MGAT4C: variants seen among roughly 807,000 people sequenced by gnomAD.
MGAT4C encodes the protein alpha-1,3-mannosyl-glycoprotein 4-beta-N-acetylglucosaminyltransferase C.
Under a neutral mutation model 40.1 loss-of-function variants are expected in MGAT4C, and 19 were observed. The ratio of observed to expected loss-of-function variants is 0.47; its 90% CI spans 0.33 to 0.70. The LOEUF (loss-of-function observed/expected upper bound fraction) is 0.70, where lower values mean the gene tolerates loss of function less well. Among genes scored for constraint, MGAT4C ranks in the 30% least tolerant of loss-of-function variants. MGAT4C has a pLI of 0.02. For synonymous variants in MGAT4C, 181 were observed against 187.1 expected (o/e 0.97, Z 0.27); for missense variants, 491 against 563.2 (o/e 0.87, Z 1.30).
rs1884179451 is a variant in MGAT4C, at chr12:85,978,577, CTTCTT to C, written c.*707_*711del. The stretch of plus-strand genomic sequence containing the variant: ...TAACCTGAAAATATTGAGCTTAACT[CTTCTT>C]TTTTTTTTTCAAAAGGGAAACTTGA... On this transcript the variant is annotated 3_prime_UTR_variant, in exon 5 of 5. Transcript: ENST00000611864. 1 of 150,994 alleles carries C rather than the reference CTTCTT, an allele frequency of 6.6e-6. No individual in the cohort carries two copies. Among genetic ancestry groups the C allele is most frequent in the African/African-American group, 2.4e-5 (1 of 41,086 alleles). The allele number at this position is 150,994 out of a possible 1,614,324, so 9.4% of individuals were successfully genotyped here.
intron 2 of MGAT4C, among the ~76,000 whole-genome samples, chr12:86,638,702 A>G (rs973129330): frequency 1.3e-5 from 2 of 151,844 alleles, no homozygotes; most frequent in Non-Finnish European, 2.9e-5. Context: ...ATATACAAGA[A>G]ATCTGACTAT....
intron 2 of MGAT4C, among the ~76,000 whole-genome samples, chr12:86,597,299 A>G (rs1339604584): frequency 6.6e-6 from 1 of 152,060 alleles, no homozygotes; most frequent in East Asian, 1.9e-4. Context: ...CCCAATTCCC[A>G]CCATATTAGC....
intron 2 of MGAT4C, among the ~76,000 whole-genome samples, chr12:86,661,668 T>G (rs796229340): frequency 2.6e-5 from 4 of 152,226 alleles, no homozygotes; most frequent in African/African-American, 9.6e-5. Flanking sequence ...AAGAAGGGAC[T>G]GGGCATGATG....
At chr12:86,420,861 G>GTGTATATATATACATACATGTATA (rs1565750094) in intron 3 of MGAT4C, among the ~76,000 whole-genome samples, 5 of 144,620 alleles carry the variant, frequency 3.5e-5, no homozygotes, top group African/African-American at 1.3e-4. Context: ...ACATATATAT[G>GTGTATATATATACATACATGTATA]TGTATATATA....
chr12:86,493,426 A>C (rs1028327556), intron 2 of MGAT4C, among the ~76,000 whole-genome samples: 3 of 152,202 alleles, frequency 2.0e-5, no homozygotes, highest in African/African-American at 7.2e-5. Flanking sequence ...GACTGGATTA[A>C]GAAAATGTGG....
chr12:86,610,170 A>AT (rs1410560114), intron 2 of MGAT4C, among the ~76,000 whole-genome samples: 2 of 152,146 alleles, frequency 1.3e-5, no homozygotes, highest in Non-Finnish European at 2.9e-5. Context: ...TTTGTGATTG[A>AT]TTTAAAAGGT....
chr12:86,443,251 C>G (rs1957268024), intron 2 of MGAT4C, among the ~76,000 whole-genome samples: 1 of 151,878 alleles, frequency 6.6e-6, no homozygotes, highest in South Asian at 2.1e-4. Context: ...TCTGTTGACA[C>G]AATACCGTAA....
At chr12:86,069,801 T>C (rs1434870275) in intron 1 of MGAT4C, among the ~76,000 whole-genome samples, 2 of 152,242 alleles carry the variant, frequency 1.3e-5, no homozygotes, top group Non-Finnish European at 2.9e-5. Flanking sequence ...CTCATCTCCA[T>C]TCTTTTACTC....
intron 3 of MGAT4C, among the ~76,000 whole-genome samples, chr12:86,356,888 T>C (rs1469520976): frequency 6.6e-6 from 1 of 152,082 alleles, no homozygotes; most frequent in Non-Finnish European, 1.5e-5. Context: ...AGAATCCACC[T>C]CTGGGGGCAG....
At chr12:86,441,655 T>A (rs1326999740) in intron 2 of MGAT4C, among the ~76,000 whole-genome samples, 1 of 152,018 alleles carries the variant, frequency 6.6e-6, no homozygotes, top group Non-Finnish European at 1.5e-5. Context: ...GTTTCATCCA[T>A]GTCCCTACAA....
intron 2 of MGAT4C, among the ~76,000 whole-genome samples, chr12:86,492,202 G>A (rs889911410): frequency 2.0e-5 from 3 of 152,160 alleles, no homozygotes; most frequent in African/African-American, 7.2e-5. Flanking sequence ...AATCAATATT[G>A]TGAAAATGGC....
At chr12:86,416,239 T>A (rs773949425) in intron 3 of MGAT4C, among the ~76,000 whole-genome samples, 5 of 152,028 alleles carry the variant, frequency 3.3e-5, no homozygotes, top group Non-Finnish European at 5.9e-5. Flanking sequence ...GTCTTCTGGC[T>A]GAGATGGAAA....
rs375371871 is a variant in MGAT4C, at chr12:86,671,813, T to C, written c.-229+55396A>G. Reference sequence around the variant, plus strand: ...ACCAAGATATATGAAAGAAATATTATTGGAGATAAAGAGCTAAATCTCAAT... The same window carrying C: ...ACCAAGATATATGAAAGAAATATTACTGGAGATAAAGAGCTAAATCTCAAT... On this transcript the variant is annotated intron_variant, in intron 2 of 7. Coordinates refer to the MGAT4C transcript ENST00000548651. Among the ~76,000 whole-genome samples, 35 of 152,190 alleles carry C rather than the reference T, an allele frequency of 2.3e-4. 1 individual carries two copies. The highest frequency in any genetic ancestry group is 1.5e-3 in the East Asian group (8 of 5,180).
intron 2 of MGAT4C, among the ~76,000 whole-genome samples, chr12:86,658,949 G>A (rs111466206): frequency 2.6e-5 from 4 of 151,976 alleles, no homozygotes; most frequent in Non-Finnish European, 4.4e-5. Flanking sequence ...AATAAAAGCC[G>A]TCCTGTCAAC....
At chr12:86,612,581 C>G (rs1477370256) in intron 2 of MGAT4C, among the ~76,000 whole-genome samples, 1 of 151,884 alleles carries the variant, frequency 6.6e-6, no homozygotes, top group Non-Finnish European at 1.5e-5. Context: ...GAAACCCCGT[C>G]TTTACTAAAA....
At chr12:86,409,763 C>T (rs192421274) in intron 3 of MGAT4C, among the ~76,000 whole-genome samples, 1 of 152,098 alleles carries the variant, frequency 6.6e-6, no homozygotes, top group East Asian at 1.9e-4. Context: ...TGGACTTCTC[C>T]TTTGCTATTC....
At position 85,980,092 on chromosome 12, in the gene MGAT4C, A is replaced by C; in HGVS notation, c.634T>G (p.Phe212Val). Residue 212 changes from phenylalanine to valine, a missense_variant, in exon 5 of 5, where the codon TTT becomes GTT. Phe to Val is a conservative substitution (Grantham distance 50). Coordinates refer to ENST00000611864, the MANE Select transcript of MGAT4C (RefSeq NM_001351288.2). ...TAATAGTCTGAAGTATTGGCACAAAAATTAAGCAGAAAAGCATAATCTACA... is the reference window on the plus strand; with the variant it reads ...TAATAGTCTGAAGTATTGGCACAAACATTAAGCAGAAAAGCATAATCTACA... ...QNVDYAFLLN[F>V]CANTSDYYVM... The C allele has an allele frequency of 6.2e-7, 1 of 1,613,848 alleles. No homozygotes were observed. Among genetic ancestry groups the C allele is most frequent in the Non-Finnish European group, 8.5e-7 (1 of 1,179,844 alleles).
At chr12:86,290,885 A>G (rs1316749271) in intron 4 of MGAT4C, among the ~76,000 whole-genome samples, 5 of 152,210 alleles carry the variant, frequency 3.3e-5, no homozygotes, top group African/African-American at 4.8e-5. Context: ...GAGTATTACA[A>G]GAAAGAGATG....
At position 86,029,896 on chromosome 12, in the gene MGAT4C, A is replaced by G. The variant is rs558915011; in HGVS notation, c.-7+19778T>C. Among the ~76,000 whole-genome samples the G allele has an allele frequency of 5.9e-5, 9 of 151,946 alleles. No individual in the cohort carries two copies. In the South Asian group the frequency reaches 1.9e-3, roughly 31 times the overall value. The stretch of plus-strand genomic sequence containing the variant: ...GGGATTAATTTTATTACATATAACC[A>G]TATTTGGAGGGACAGTATAGAAACA... On this transcript the variant is annotated intron_variant, in intron 2 of 4. Transcript: ENST00000611864.
Sources: gnomAD v4.1 joint callset for allele counts (sites outside exome capture counted in the v4.1 genomes callset) on GRCh38, gnomAD v4.1.1 for gene constraint, MANE v1.5 for transcripts, NCBI Gene and HGNC (gene_info 2026-07-23, HGNC 2026-07-21) for gene names.